The following KDM4C variants were observed in gnomAD, a reference collection of about 807,000 sequenced individuals.
KDM4C encodes lysine-specific demethylase 4C.
In KDM4C, 81 loss-of-function variants were observed where a neutral mutation model predicts 129.3. The observed-to-expected ratio is 0.63, with a 90% CI of 0.52 to 0.75. KDM4C has a LOEUF of 0.75. Ranked by LOEUF, KDM4C falls within the 30% of genes least tolerant of loss-of-function variation. The pLI is 0.00. For synonymous variants in KDM4C, 573 were observed against 456.1 expected (o/e 1.26, Z -3.26); for missense variants, 1,457 against 1,304.0 (o/e 1.12, Z -1.81).
At chr9:6,914,470 T>G (rs1426472676) in intron 8 of KDM4C, among the ~76,000 whole-genome samples, 1 of 152,164 alleles carries the variant, frequency 6.6e-6, no homozygotes, top group Non-Finnish European at 1.5e-5. Context: ...GCCACATGCT[T>G]TTGGTAAGAT....
chr9:6,974,482 C>T (rs559753849), intron 8 of KDM4C, among the ~76,000 whole-genome samples: 23 of 152,272 alleles, frequency 1.5e-4, no homozygotes, highest in African/African-American at 4.3e-4. Context: ...GCCTGTTTCC[C>T]GAGTAGCTGA....
rs187842902 is a variant in KDM4C at position 6,876,764 on chromosome 9, A to G, written c.630-3248A>G. 5.3e-5 allele frequency among the ~76,000 whole-genome samples: 8 copies of G among 152,254 alleles called. No individual in the cohort carries two copies. The East Asian group carries it at 1.5e-3, about 29-fold the overall frequency. On this transcript the variant is annotated intron_variant, in intron 5 of 21. Transcript: ENST00000381309. Reference sequence around the variant, plus strand: ...TGAAGCCAGGTGCTCACCTTCTTACAGGCAAGGGCTGTCTGTCAGCCTACA... The same window carrying G: ...TGAAGCCAGGTGCTCACCTTCTTACGGGCAAGGGCTGTCTGTCAGCCTACA...
At chr9:6,929,428 A>G (rs1406608366) in intron 8 of KDM4C, among the ~76,000 whole-genome samples, 1 of 147,826 alleles carries the variant, frequency 6.8e-6, no homozygotes, top group Admixed American at 6.7e-5. Flanking sequence ...GTAATGCTTT[A>G]CTTTTCACAA....
chr9:6,728,066 C>CAAAAAAAAAAAAA (rs574486528), intron 1 of KDM4C, among the ~76,000 whole-genome samples: 1 of 73,930 alleles, frequency 1.4e-5, no homozygotes, highest in East Asian at 5.4e-4. Flanking sequence ...CATGAAGCTG[C>CAAAAAAAAAAAAA]AAAAAAAAAA....
chr9:7,040,400 T>C (rs818875), intron 15 of KDM4C, among the ~76,000 whole-genome samples: 26,928 of 143,022 alleles, frequency 0.19, 2,992 homozygotes, highest in Middle Eastern at 0.31. Context: ...TGTGTGTGTG[T>C]GTGTGCGTGT....
In KDM4C at chr9:6,861,252, C is replaced by G. The variant is rs1477076561; in HGVS notation, c.629+11552C>G. On this transcript the variant is annotated intron_variant, in intron 5 of 21. Transcript: ENST00000381309. ...ATTAATTTGTGTATTTTGGTCTTGT[C>G]TCTCCCATGAGATATTCAACTTCCT... is the stretch of plus-strand genomic sequence containing the variant. 3.3e-5 allele frequency among the ~76,000 whole-genome samples: 5 copies of G among 152,156 alleles called. No individual in the cohort carries two copies. The East Asian group carries it at 9.6e-4, about 29-fold the overall frequency.
intron 8 of KDM4C, among the ~76,000 whole-genome samples, chr9:6,912,706 T>C (rs1340422931): frequency 6.6e-6 from 1 of 152,218 alleles, no homozygotes. Flanking sequence ...TAGAAATGTT[T>C]GTAAGGTTGT....
rs566874045 is a variant in KDM4C at position 6,796,087 on chromosome 9, G to C, written c.144+2955G>C. Among the ~76,000 whole-genome samples, 4 of 152,260 alleles carry C rather than the reference G, an allele frequency of 2.6e-5. No homozygotes were observed. In the South Asian group the frequency reaches 6.2e-4, roughly 24 times the overall value. On this transcript the variant is annotated intron_variant, in intron 2 of 21. Transcript: ENST00000381309. ...GAAAACAAACAGAAACTAAAGCTTC[G>C]TAATGACTTTCTCAGATGAGCTATC...
At chr9:7,008,536 C>T (rs1166974863) in intron 12 of KDM4C, among the ~76,000 whole-genome samples, 5 of 152,298 alleles carry the variant, frequency 3.3e-5, no homozygotes, top group Non-Finnish European at 5.9e-5. Context: ...GGGTTTCATG[C>T]CTGCCCTAGT....
At chr9:7,065,926 G>C (rs1025451602) in intron 17 of KDM4C, among the ~76,000 whole-genome samples, 12 of 151,246 alleles carry the variant, frequency 7.9e-5, no homozygotes, top group Non-Finnish European at 1.8e-4. Context: ...TCTTTTCCTA[G>C]CTTTCACGAT....
At chr9:6,737,796 T>C (rs1176951600) in intron 1 of KDM4C, among the ~76,000 whole-genome samples, 1 of 151,200 alleles carries the variant, frequency 6.6e-6, no homozygotes, top group African/African-American at 2.4e-5. Flanking sequence ...CACAATGAGA[T>C]ACAAACTCAC....
intron 8 of KDM4C, among the ~76,000 whole-genome samples, chr9:6,897,393 T>C (rs1048230654): frequency 3.9e-5 from 6 of 152,198 alleles, no homozygotes; most frequent in Middle Eastern, 3.2e-3. Context: ...TTTCCCTCAA[T>C]GAGGATCATT....
chr9:6,821,992 A>G (rs1833111943), intron 4 of KDM4C, among the ~76,000 whole-genome samples: 2 of 152,200 alleles, frequency 1.3e-5, no homozygotes, highest in Admixed American at 1.3e-4. Context: ...GTTATACTAA[A>G]AAATCTGAAC....
intron 19 of KDM4C, among the ~76,000 whole-genome samples, chr9:7,146,261 A>T (rs1023508736): frequency 6.6e-6 from 1 of 152,240 alleles, no homozygotes; most frequent in Non-Finnish European, 1.5e-5. Context: ...GAGTGTAATC[A>T]TAGGTGATTA....
intron 8 of KDM4C, among the ~76,000 whole-genome samples, chr9:6,908,768 C>T (rs1818774749): frequency 6.6e-6 from 1 of 152,074 alleles, no homozygotes; most frequent in Non-Finnish European, 1.5e-5. Flanking sequence ...GGGTTTGAAT[C>T]CTAGCATTGT....
intron 19 of KDM4C, among the ~76,000 whole-genome samples, chr9:7,162,538 A>G (rs980806793): frequency 6.6e-6 from 1 of 152,256 alleles, no homozygotes; most frequent in African/African-American, 2.4e-5. Flanking sequence ...TCATCTATTC[A>G]GTTTGTTAAT....
At chr9:7,088,965 C>T (rs1218788042) in intron 17 of KDM4C, among the ~76,000 whole-genome samples, 1 of 151,940 alleles carries the variant, frequency 6.6e-6, no homozygotes, top group Non-Finnish European at 1.5e-5. Context: ...TCTTAAAGCA[C>T]ATTTGCCTGA....
intron 16 of KDM4C, among the ~76,000 whole-genome samples, chr9:7,047,427 A>T (rs957640681): frequency 8.1e-6 from 1 of 123,974 alleles, no homozygotes; most frequent in East Asian, 2.9e-4. Flanking sequence ...TAAAGGGATC[A>T]GGTGGAGAAT....
chr9:7,112,348 G>A (rs1439661874), intron 18 of KDM4C, among the ~76,000 whole-genome samples: 13 of 152,054 alleles, frequency 8.5e-5, no homozygotes, highest in Admixed American at 8.5e-4. Flanking sequence ...AGTGGGAGTG[G>A]ATTAGAGAGT....
Sources: gnomAD v4.1 joint callset for allele counts (sites outside exome capture counted in the v4.1 genomes callset) on GRCh38, gnomAD v4.1.1 for gene constraint, MANE v1.5 for transcripts, NCBI Gene and HGNC (gene_info 2026-07-23, HGNC 2026-07-21) for gene names.